GLT6D1: variants seen among roughly 807,000 people sequenced by gnomAD.
The protein encoded by GLT6D1 is glycosyltransferase 6 domain containing 1, also known as putative glycosyltransferase 6 domain-containing protein 1.
GLT6D1 carries 9 observed loss-of-function variants against 12.3 expected under a neutral mutation model. That is an observed-to-expected ratio of 0.73 (90% CI 0.44 to 1.27). GLT6D1 has a LOEUF of 1.27. Among genes scored for constraint, GLT6D1 ranks in the 50% most tolerant of loss-of-function variants. GLT6D1 has a pLI of 0.00. For missense variants in GLT6D1, 335 were observed against 346.2 expected (o/e 0.97, Z 0.26); for synonymous variants, 128 against 132.3 (o/e 0.97, Z 0.23).
upstream of GLT6D1, among the ~76,000 whole-genome samples, chr9:135,640,425 T>C (rs570499902): frequency 2.2e-4 from 34 of 152,278 alleles, no homozygotes; most frequent in African/African-American, 7.5e-4. Context: ...CGGACATTGA[T>C]AATGTGGCTC....
rs763431989 is a variant in GLT6D1 at position 135,626,053 on chromosome 9, G to A, written c.257+16C>T. ...TTTTCCCAAAATAAAAAAGGGCAAAGGTGAGTGGCACCTACCTGCCAGTAG... is the reference window on the plus strand; with the variant it reads ...TTTTCCCAAAATAAAAAAGGGCAAAAGTGAGTGGCACCTACCTGCCAGTAG... On this transcript the variant is annotated intron_variant, in intron 4 of 4. Transcript: ENST00000371763. 8.1e-6 allele frequency: 13 copies of A among 1,613,582 alleles called. No homozygotes were observed. Among genetic ancestry groups the A allele is most frequent in the Non-Finnish European group, 1.1e-5 (13 of 1,179,672 alleles).
In GLT6D1 at chr9:135,624,309, G is replaced by A; in HGVS notation, c.619C>T (p.Pro207Ser). 1.9e-6 allele frequency: 3 copies of A among 1,609,040 alleles called. No homozygotes were observed. Among genetic ancestry groups the A allele is most frequent in the East Asian group, 4.5e-5 (2 of 44,834 alleles). The change falls in exon 5 of 5, where the codon CCT (proline) becomes TCT (serine). Residue 207 changes from proline (P) to serine (S), a missense_variant. By Grantham distance (74) the Pro-to-Ser change is moderately conservative. Transcript: ENST00000371763. ...WWYFRNTKNF[P>S]YERRPTSAAC... ...GCTGAGGTCGGCCTCCTCTCATAAG[G>A]GAAGTTCTTGGTGTTTCTGAAATAC...
At chr9:135,629,550 G>A (rs553770563) in intron 3 of GLT6D1, among the ~76,000 whole-genome samples, 4 of 152,288 alleles carry the variant, frequency 2.6e-5, no homozygotes, top group East Asian at 3.9e-4. Flanking sequence ...CCTGGAGAAT[G>A]TCTCATGTGC....
In GLT6D1 at chr9:135,639,155, T is replaced by C; in HGVS notation, c.33A>G (p.Leu11=). MNSKRMLLLV[L]FAFSLMLVER... is the part of the protein sequence containing the mutation. ...CAACCAACATCAGTGAAAAAGCAAA[T>C]AAAACCAATAACAGCATTCTTTTAG... Residue 11 remains leucine, a synonymous_variant, in exon 2 of 5, where the codon TTA becomes TTG. Transcript: ENST00000371763. The C allele has an allele frequency of 1.9e-6, 3 of 1,589,538 alleles. No individual in the cohort carries two copies. The highest frequency in any genetic ancestry group is 1.7e-6 in the Non-Finnish European group (2 of 1,158,670).
intron 3 of GLT6D1, among the ~76,000 whole-genome samples, 174 bp downstream of exon 3, chr9:135,631,257 G>A (rs551636183): frequency 1.3e-5 from 2 of 152,310 alleles, no homozygotes; most frequent in African/African-American, 2.4e-5. Context: ...CACAATCATC[G>A]CCTGGTTCTT....
At chr9:135,634,013 C>T (rs1833709502) in intron 2 of GLT6D1, among the ~76,000 whole-genome samples, 1 of 152,176 alleles carries the variant, frequency 6.6e-6, no homozygotes, top group Non-Finnish European at 1.5e-5. Flanking sequence ...CATCATTATC[C>T]TCAAACAGAG....
chr9:135,628,923 T>C (rs1282309004), intron 3 of GLT6D1, among the ~76,000 whole-genome samples: 1 of 152,120 alleles, frequency 6.6e-6, no homozygotes, highest in Non-Finnish European at 1.5e-5. Context: ...TCACTCCTGA[T>C]TCTAGTAATT....
intron 3 of GLT6D1, among the ~76,000 whole-genome samples, chr9:135,630,807 A>G (rs142761249): frequency 0.012 from 1,839 of 152,334 alleles, 38 homozygotes; most frequent in African/African-American, 0.042. Flanking sequence ...CAAACATGAA[A>G]AAGCTGGTAA....
chr9:135,626,346 A>G (rs1833518261), intron 3 of GLT6D1, 140 bp from the exon 4 acceptor site: 3 of 837,214 alleles, frequency 3.6e-6, no homozygotes, highest in Non-Finnish European at 5.6e-6. Flanking sequence ...CACTGGATTC[A>G]TCCTTGCAAC....
upstream of GLT6D1, among the ~76,000 whole-genome samples, chr9:135,641,009 A>G (rs1833882411): frequency 6.6e-6 from 1 of 152,172 alleles, no homozygotes; most frequent in African/African-American, 2.4e-5. Context: ...CTGTCTGTCA[A>G]TATCTTTCTG....
chr9:135,631,339 G>C, intron 3 of GLT6D1, 92 bp downstream of exon 3: 1 of 986,258 alleles, frequency 1.0e-6, no homozygotes, highest in Non-Finnish European at 1.6e-6. Flanking sequence ...TCCCAGGAGA[G>C]CTGAATTTGG....
At chr9:135,628,216 T>A (rs1288198849) in intron 3 of GLT6D1, among the ~76,000 whole-genome samples, 1 of 152,120 alleles carries the variant, frequency 6.6e-6, no homozygotes. Context: ...TTTTTTATTG[T>A]TGTTGTACTT....
chr9:135,634,076 C>T (rs1334991720), intron 2 of GLT6D1, among the ~76,000 whole-genome samples: 1 of 152,160 alleles, frequency 6.6e-6, no homozygotes, highest in East Asian at 1.9e-4. Context: ...AGGTACAATC[C>T]TCCAGGAGGA....
chr9:135,636,404 T>C (rs967646382), intron 2 of GLT6D1, among the ~76,000 whole-genome samples: 1 of 152,156 alleles, frequency 6.6e-6, no homozygotes, highest in Non-Finnish European at 1.5e-5. Context: ...TTATTTTAGG[T>C]CAGCAGCTTT....
intron 3 of GLT6D1, among the ~76,000 whole-genome samples, chr9:135,629,920 G>T (rs1833600173): frequency 1.3e-5 from 2 of 151,874 alleles, no homozygotes; most frequent in African/African-American, 2.4e-5. Flanking sequence ...GGTCTCTTTT[G>T]GTTGCTGTTT....
In GLT6D1 at chr9:135,629,003, C is replaced by T. The variant is rs111433408; in HGVS notation, c.119+2428G>A. On this transcript the variant is annotated intron_variant, in intron 3 of 4. Coordinates refer to ENST00000371763, the MANE Select transcript of GLT6D1 (RefSeq NM_182974.3). ...CAAATTTGTTTATCTTTTCAAAAAACCAATTTTGGTTTTGTTCATTTTCTC... is the reference window on the plus strand; with the variant it reads ...CAAATTTGTTTATCTTTTCAAAAAATCAATTTTGGTTTTGTTCATTTTCTC... Among the ~76,000 whole-genome samples the T allele has an allele frequency of 2.4e-3, 359 of 152,122 alleles. 1 individual carries two copies. Among genetic ancestry groups the T allele is most frequent in the African/African-American group, 8.0e-3 (331 of 41,544 alleles).
At chr9:135,633,670 A>G (rs1331142282) in intron 2 of GLT6D1, among the ~76,000 whole-genome samples, 2 of 152,330 alleles carry the variant, frequency 1.3e-5, no homozygotes, top group East Asian at 3.9e-4. Flanking sequence ...TACTTCTGCT[A>G]AAAAAGATTC....
chr9:135,639,936 T>C (rs1216886151), upstream of GLT6D1, among the ~76,000 whole-genome samples: 1 of 151,162 alleles, frequency 6.6e-6, no homozygotes, highest in Non-Finnish European at 1.5e-5. Context: ...CTCCGCCTCC[T>C]GGGTTCAAAC....
At chr9:135,635,718 G>C (rs146400913) in intron 2 of GLT6D1, among the ~76,000 whole-genome samples, 318 of 152,334 alleles carry the variant, frequency 2.1e-3, no homozygotes, top group South Asian at 3.1e-3. Context: ...ACAGAGCAAG[G>C]AAATAGACAC....
Sources: gnomAD v4.1 joint callset for allele counts (sites outside exome capture counted in the v4.1 genomes callset) on GRCh38, gnomAD v4.1.1 for gene constraint, MANE v1.5 for transcripts, NCBI Gene and HGNC (gene_info 2026-07-23, HGNC 2026-07-21) for gene names.